The following ZNF804A variants were observed in gnomAD, a reference collection of about 807,000 sequenced individuals.
ZNF804A encodes the protein zinc finger protein 804A.
ZNF804A carries 2 observed loss-of-function variants against 16.5 expected under a neutral mutation model. The observed-to-expected ratio is 0.12, with a 90% CI of 0.05 to 0.38. The LOEUF (loss-of-function observed/expected upper bound fraction) is 0.38. Ranked by LOEUF, ZNF804A falls within the 10% of genes least tolerant of loss-of-function variation. ZNF804A has a pLI of 0.99. For synonymous variants in ZNF804A, 534 were observed against 489.6 expected (o/e 1.09, Z -1.20); for missense variants, 1,473 against 1,390.7 (o/e 1.06, Z -0.94).
At chr2:184,724,592 A>T (rs1693374446) in intron 1 of ZNF804A, among the ~76,000 whole-genome samples, 1 of 151,704 alleles carries the variant, frequency 6.6e-6, no homozygotes, top group Non-Finnish European at 1.5e-5. Context: ...AGGGAATATT[A>T]GTCACTGAAT....
intron 1 of ZNF804A, among the ~76,000 whole-genome samples, chr2:184,674,126 A>T (rs1012359284): frequency 1.3e-5 from 2 of 152,118 alleles, no homozygotes; most frequent in African/African-American, 4.8e-5. Flanking sequence ...AAGATTTAAA[A>T]TAATTTGTTA....
chr2:184,851,411 A>C (rs1325616324), intron 1 of ZNF804A, among the ~76,000 whole-genome samples: 1 of 151,956 alleles, frequency 6.6e-6, no homozygotes, highest in Non-Finnish European at 1.5e-5. Context: ...TTTAGGTTCC[A>C]CGTATACGTG....
At chr2:184,665,005 C>G (rs1430948466) in intron 1 of ZNF804A, among the ~76,000 whole-genome samples, 2 of 151,924 alleles carry the variant, frequency 1.3e-5, no homozygotes, top group African/African-American at 2.4e-5. Flanking sequence ...AGAAGCACAC[C>G]CTGATATTCA....
At chr2:184,908,127 T>C (rs1411952815) in intron 2 of ZNF804A, among the ~76,000 whole-genome samples, 2 of 152,178 alleles carry the variant, frequency 1.3e-5, no homozygotes, top group Non-Finnish European at 2.9e-5. Flanking sequence ...CTTACAATTC[T>C]GGATGTCAGC....
intron 1 of ZNF804A, among the ~76,000 whole-genome samples, chr2:184,798,705 T>C (rs896822057): frequency 3.3e-5 from 5 of 152,216 alleles, no homozygotes; most frequent in Admixed American, 6.5e-5. Flanking sequence ...ATTAGCTAAA[T>C]AACTAACCTC....
chr2:184,842,444 A>G (rs1424399376), intron 1 of ZNF804A, among the ~76,000 whole-genome samples: 3 of 152,120 alleles, frequency 2.0e-5, no homozygotes, highest in Non-Finnish European at 4.4e-5. Context: ...TCACAAAGCT[A>G]GAAGTTTTGA....
intron 2 of ZNF804A, among the ~76,000 whole-genome samples, chr2:184,879,343 G>A (rs1684769951): frequency 6.6e-6 from 1 of 151,974 alleles, no homozygotes. Context: ...TGGTCACACT[G>A]TAGGAAAGGA....
At chr2:184,777,815 T>C (rs968387210) in intron 1 of ZNF804A, among the ~76,000 whole-genome samples, 1 of 151,660 alleles carries the variant, frequency 6.6e-6, no homozygotes, top group Admixed American at 6.6e-5. Flanking sequence ...TCTATTCTTT[T>C]TCCTTCCTGG....
At chr2:184,894,460 T>C (rs1685035518) in intron 2 of ZNF804A, among the ~76,000 whole-genome samples, 1 of 152,144 alleles carries the variant, frequency 6.6e-6, no homozygotes, top group Admixed American at 6.6e-5. Flanking sequence ...AACGTATTTT[T>C]ATTGGCATAC....
At chr2:184,750,875 C>T (rs1029112731) in intron 1 of ZNF804A, among the ~76,000 whole-genome samples, 2 of 151,308 alleles carry the variant, frequency 1.3e-5, no homozygotes, top group African/African-American at 4.8e-5. Context: ...TTCCACACTT[C>T]AGGCTTCTAT....
At chr2:184,722,198 A>G (rs1055758756) in intron 1 of ZNF804A, among the ~76,000 whole-genome samples, 1 of 152,074 alleles carries the variant, frequency 6.6e-6, no homozygotes, top group Non-Finnish European at 1.5e-5. Flanking sequence ...TAATCATGTT[A>G]TGCTTAAGTA....
chr2:184,831,889 T>C (rs564813275), intron 1 of ZNF804A, among the ~76,000 whole-genome samples: 1 of 152,130 alleles, frequency 6.6e-6, no homozygotes, highest in South Asian at 2.1e-4. Context: ...AATGGAACCT[T>C]GCATTTTTTG....
At chr2:184,908,967 C>A (rs1452587923) in intron 2 of ZNF804A, among the ~76,000 whole-genome samples, 1 of 152,128 alleles carries the variant, frequency 6.6e-6, no homozygotes, top group African/African-American at 2.4e-5. Context: ...AAGTTAACAG[C>A]TAACTTCAGT....
chr2:184,652,241 A>G (rs55937523), intron 1 of ZNF804A, among the ~76,000 whole-genome samples: 7,145 of 152,176 alleles, frequency 0.047, 254 homozygotes, highest in Non-Finnish European at 0.073. Flanking sequence ...AATATTGGGT[A>G]CTCATGAACA....
chr2:184,681,208 G>T (rs564629170), intron 1 of ZNF804A, among the ~76,000 whole-genome samples: 1 of 152,242 alleles, frequency 6.6e-6, no homozygotes, highest in South Asian at 2.1e-4. Context: ...GTCACCACTG[G>T]CCACAGAGGT....
chr2:184,773,792 C>T lies in ZNF804A; in HGVS notation c.112-92577C>T, dbSNP rs116421086. On this transcript the variant is annotated intron_variant, in intron 1 of 3. Transcript: ENST00000302277. ...GAGAAACCACCTGTTCTCCCAAAAT[C>T]CATTGAAATAAAAATTTTTTAAAAA... Among the ~76,000 whole-genome samples, 1,378 of 151,776 alleles carry T rather than the reference C, an allele frequency of 9.1e-3. 23 individuals are homozygous for T. Among genetic ancestry groups the T allele is most frequent in the African/African-American group, 0.032 (1,318 of 41,424 alleles).
intron 1 of ZNF804A, among the ~76,000 whole-genome samples, chr2:184,834,980 C>T (rs1215717343): frequency 1.3e-5 from 2 of 152,122 alleles, no homozygotes; most frequent in Non-Finnish European, 2.9e-5. Context: ...AACTGTATAA[C>T]TCAACTTACA....
chr2:184,619,259 A>G (rs2105678325), intron 1 of ZNF804A, among the ~76,000 whole-genome samples: 1 of 152,222 alleles, frequency 6.6e-6, no homozygotes, highest in East Asian at 1.9e-4. Flanking sequence ...TTATGCATAT[A>G]TAATCTGATC....
intron 1 of ZNF804A, among the ~76,000 whole-genome samples, chr2:184,715,548 C>T (rs1315684869): frequency 6.6e-6 from 1 of 151,872 alleles, no homozygotes; most frequent in Non-Finnish European, 1.5e-5. Context: ...CCACCATGCT[C>T]AGCTGATTTT....
Sources: allele counts gnomAD v4.1 joint callset (sites outside exome capture counted in the v4.1 genomes callset), GRCh38; gene constraint gnomAD v4.1.1; transcripts MANE v1.5; gene names NCBI Gene and HGNC (gene_info 2026-07-23, HGNC 2026-07-21).